The following GRM7 variants were observed in gnomAD, a reference collection of about 807,000 sequenced individuals.
The protein encoded by GRM7 is metabotropic glutamate receptor 7.
In GRM7, 35 loss-of-function variants were observed where a neutral mutation model predicts 84.5. The ratio of observed to expected loss-of-function variants is 0.41; its 90% CI spans 0.32 to 0.55. The LOEUF (loss-of-function observed/expected upper bound fraction) is 0.55, where lower values mean the gene tolerates loss of function less well. GRM7 is among the 20% of genes least tolerant of loss of function. The pLI, the probability that GRM7 is intolerant of heterozygous loss-of-function variation, is 0.19. For missense variants in GRM7, 1,003 were observed against 1,194.6 expected (o/e 0.84, Z 2.36); for synonymous variants, 487 against 455.1 (o/e 1.07, Z -0.89).
chr3:7,710,765 T>C (rs1478108764), intron 9 of GRM7, among the ~76,000 whole-genome samples: 1 of 152,174 alleles, frequency 6.6e-6, no homozygotes, highest in African/African-American at 2.4e-5. Flanking sequence ...TATAAAACTC[T>C]TGAAAGATCT....
chr3:7,036,540 G>T (rs904929202), intron 1 of GRM7, among the ~76,000 whole-genome samples: 1 of 152,082 alleles, frequency 6.6e-6, no homozygotes, highest in Admixed American at 6.6e-5. Context: ...ATATCATCTA[G>T]GGGAGGAGAA....
At chr3:7,553,903 A>G (rs1473854501) in intron 7 of GRM7, among the ~76,000 whole-genome samples, 1 of 152,150 alleles carries the variant, frequency 6.6e-6, no homozygotes, top group Non-Finnish European at 1.5e-5. Context: ...TATCTTCTTG[A>G]AGAAGCTGTG....
intron 8 of GRM7, among the ~76,000 whole-genome samples, chr3:7,661,184 A>C (rs1699428596): frequency 1.3e-5 from 2 of 152,194 alleles, no homozygotes; most frequent in Non-Finnish European, 2.9e-5. Flanking sequence ...AGACTAGGAG[A>C]AAATTTTTTG....
chr3:6,953,145 A>G (rs929193021), intron 1 of GRM7, among the ~76,000 whole-genome samples: 3 of 152,300 alleles, frequency 2.0e-5, no homozygotes, highest in Non-Finnish European at 4.4e-5. Context: ...ACTTTTTTTG[A>G]TGAAATAACT....
intron 9 of GRM7, among the ~76,000 whole-genome samples, chr3:7,710,664 G>A (rs1440548487): frequency 6.6e-6 from 1 of 152,108 alleles, no homozygotes; most frequent in Non-Finnish European, 1.5e-5. Context: ...TGGGGCATTA[G>A]TCCTTCCCCG....
At chr3:7,713,416 G>C (rs1266917961) in intron 9 of GRM7, among the ~76,000 whole-genome samples, 1 of 152,006 alleles carries the variant, frequency 6.6e-6, no homozygotes, top group African/African-American at 2.4e-5. Flanking sequence ...GAGATTACAG[G>C]TGTGAGCCAC....
chr3:7,008,857 G>T (rs575037969), intron 1 of GRM7, among the ~76,000 whole-genome samples: 2 of 151,908 alleles, frequency 1.3e-5, no homozygotes, highest in South Asian at 2.1e-4. Context: ...AATTCTGTTC[G>T]TACTGCACAT....
chr3:7,698,926 A>G (rs1338724993), intron 9 of GRM7, among the ~76,000 whole-genome samples: 1 of 152,188 alleles, frequency 6.6e-6, no homozygotes, highest in African/African-American at 2.4e-5. Context: ...AAAGATGTCA[A>G]TTGAGGTTTT....
intron 4 of GRM7, among the ~76,000 whole-genome samples, chr3:7,407,060 G>T (rs993070045): frequency 6.6e-5 from 10 of 152,164 alleles, no homozygotes; most frequent in African/African-American, 2.4e-4. Context: ...AAAAACCCAA[G>T]CCTGGAAGTA....
chr3:7,026,643 G>A (rs1458292520), intron 1 of GRM7, among the ~76,000 whole-genome samples: 1 of 152,186 alleles, frequency 6.6e-6, no homozygotes, highest in Admixed American at 6.5e-5. Flanking sequence ...GCAAATGCAT[G>A]CCCAGAAATT....
At chr3:7,321,190 G>A (rs1377576491) in intron 4 of GRM7, among the ~76,000 whole-genome samples, 1 of 152,004 alleles carries the variant, frequency 6.6e-6, no homozygotes, top group African/African-American at 2.4e-5. Flanking sequence ...AATGCAGCCA[G>A]TGTTAGAAAT....
chr3:7,726,611 CTCTA>C (rs1340240455), intron 9 of GRM7, among the ~76,000 whole-genome samples: 4 of 70,450 alleles, frequency 5.7e-5, no homozygotes, highest in Non-Finnish European at 1.1e-4. Context: ...CTCTCTCTCC[CTCTA>C]TATATATATA....
intron 7 of GRM7, among the ~76,000 whole-genome samples, chr3:7,497,649 C>T (rs936877522): frequency 2.0e-5 from 3 of 152,132 alleles, no homozygotes; most frequent in African/African-American, 7.2e-5. Context: ...GGGTGTCTGG[C>T]ATATACATGA....
At chr3:6,935,677 A>AAAT (rs375035491) in intron 1 of GRM7, among the ~76,000 whole-genome samples, 2,420 of 142,434 alleles carry the variant, frequency 0.017, 34 homozygotes, top group Middle Eastern at 0.064. Flanking sequence ...CTTATTTTTA[A>AAAT]ATTATTATTA....
chr3:7,142,907 A>T (rs954295228), intron 1 of GRM7, among the ~76,000 whole-genome samples: 1 of 152,178 alleles, frequency 6.6e-6, no homozygotes, highest in Non-Finnish European at 1.5e-5. Context: ...AATTTTTATG[A>T]GGAGAAAAGA....
In GRM7 at chr3:7,503,095, C is replaced by T. The variant is rs920064737; in HGVS notation, c.1515+41373C>T. On this transcript the variant is annotated intron_variant, in intron 7 of 9. Transcript: ENST00000357716. ...GTCTACTTACAATCACAAGGAGCGC[C>T]TAGAAAGCTGGGCAGAGGAAAACCA... Among the ~76,000 whole-genome samples the T allele has an allele frequency of 2.0e-5, 3 of 152,110 alleles. No individual in the cohort carries two copies. In the South Asian group the frequency reaches 6.2e-4, roughly 32 times the overall value.
intron 5 of GRM7, among the ~76,000 whole-genome samples, chr3:7,444,411 C>T (rs1254129887): frequency 3.3e-5 from 5 of 152,166 alleles, no homozygotes; most frequent in Non-Finnish European, 4.4e-5. Flanking sequence ...CTATGTAAGA[C>T]ATTGAAACTG....
intron 1 of GRM7, among the ~76,000 whole-genome samples, chr3:7,001,737 A>C (rs919472031): frequency 4.6e-5 from 7 of 152,200 alleles, no homozygotes; most frequent in African/African-American, 1.7e-4. Context: ...TTTGTTTATT[A>C]ATTTCTCTTT....
chr3:6,963,780 C>T (rs1052793009), intron 1 of GRM7, among the ~76,000 whole-genome samples: 1 of 152,144 alleles, frequency 6.6e-6, no homozygotes, highest in Non-Finnish European at 1.5e-5. Context: ...ACATGAATGG[C>T]ATCCTAGCTT....
Sources: allele counts gnomAD v4.1 joint callset (sites outside exome capture counted in the v4.1 genomes callset), GRCh38; gene constraint gnomAD v4.1.1; transcripts MANE v1.5; gene names NCBI Gene and HGNC (gene_info 2026-07-23, HGNC 2026-07-21).